GTF3C3: variants seen among roughly 807,000 people sequenced by gnomAD.
The protein encoded by GTF3C3 is general transcription factor IIIC subunit 3.
GTF3C3 carries 75 observed loss-of-function variants against 105.2 expected under a neutral mutation model. The ratio of observed to expected loss-of-function variants is 0.71; its 90% CI spans 0.59 to 0.86. GTF3C3 has a LOEUF of 0.86. Among genes scored for constraint, GTF3C3 ranks in the 40% least tolerant of loss-of-function variants. The pLI is 0.00. For synonymous variants in GTF3C3, 335 were observed against 370.4 expected (o/e 0.90, Z 1.10); for missense variants, 856 against 1,076.5 (o/e 0.80, Z 2.87).
At chr2:196,790,849 C>T (rs763751597) in intron 4 of GTF3C3, among the ~76,000 whole-genome samples, 4 of 151,810 alleles carry the variant, frequency 2.6e-5, no homozygotes, top group Non-Finnish European at 4.4e-5. Flanking sequence ...TTTGGCAAAA[C>T]ATCAAGGAAA....
chr2:196,767,642 TAATAA>T (rs1478353858), intron 16 of GTF3C3, among the ~76,000 whole-genome samples: 2 of 152,216 alleles, frequency 1.3e-5, no homozygotes, highest in African/African-American at 4.8e-5. Flanking sequence ...ACTTTCTGCA[TAATAA>T]AATAACCTAT....
intron 9 of GTF3C3, among the ~76,000 whole-genome samples, chr2:196,779,669 C>A (rs1053711151): frequency 5.9e-5 from 9 of 152,072 alleles, no homozygotes; most frequent in African/African-American, 2.2e-4. Context: ...AAAGTTGTTT[C>A]CTTAGATATC....
At chr2:196,797,486 T>C (rs1699667009) in intron 2 of GTF3C3, among the ~76,000 whole-genome samples, 1 of 152,224 alleles carries the variant, frequency 6.6e-6, no homozygotes, top group South Asian at 2.1e-4. Flanking sequence ...TGAGGAAGTA[T>C]AGTCTGGAAG....
Position 196,764,254 on chromosome 2 carries a change from A to G in GTF3C3, c.*309T>C, listed in dbSNP as rs1699019944. The G allele has an allele frequency of 5.0e-6, 1 of 201,436 alleles. No individual in the cohort carries two copies. Among genetic ancestry groups the G allele is most frequent in the Non-Finnish European group, 1.0e-5 (1 of 98,516 alleles). The allele number at this position is 201,436 out of a possible 1,614,324, so 12.5% of individuals were successfully genotyped here. A position where few individuals can be genotyped will look rare whatever the true frequency, so the allele number is the denominator to read the frequency against. On this transcript the variant is annotated 3_prime_UTR_variant, in exon 18 of 18. Transcript: ENST00000263956. ...TAGTATTAAATACAAAGATGAATAAATGGTGTGAGTGAAAAATAGTGTATT... is the reference window on the plus strand; with the variant it reads ...TAGTATTAAATACAAAGATGAATAAGTGGTGTGAGTGAAAAATAGTGTATT...
Position 196,763,762 on chromosome 2 carries a change from A to C in GTF3C3, c.*801T>G, listed in dbSNP as rs1699010595. The C allele has an allele frequency of 1.3e-5, 2 of 152,264 alleles. No individual in the cohort carries two copies. Among genetic ancestry groups the C allele is most frequent in the Non-Finnish European group, 2.9e-5 (2 of 68,046 alleles). The allele number at this position is 152,264 out of a possible 1,614,324, so 9.4% of individuals were successfully genotyped here. On this transcript the variant is annotated 3_prime_UTR_variant, in exon 18 of 18. Coordinates refer to ENST00000263956, the MANE Select transcript of GTF3C3 (RefSeq NM_012086.5). ...ACTGTTAACTTAAATTCAAGAACAT[A>C]TAATAAATAGTGGAGATGAGTAAAC...
intron 17 of GTF3C3, 82 bp from the exon 18 acceptor site, chr2:196,764,767 A>G: frequency 8.0e-7 from 1 of 1,250,018 alleles, no homozygotes; most frequent in South Asian, 1.5e-5. Flanking sequence ...TAGTTTTATA[A>G]GTGTAAGTAA....
At chr2:196,768,962 A>G (rs1699120401) in intron 16 of GTF3C3, among the ~76,000 whole-genome samples, 1 of 152,182 alleles carries the variant, frequency 6.6e-6, no homozygotes, top group African/African-American at 2.4e-5. Context: ...CACAATGAGC[A>G]CTACGTTTAA....
rs754360722 is a variant in GTF3C3 at position 196,793,055 on chromosome 2, C to T, written c.312G>A (p.Glu104=). The change falls in exon 3 of 18, where the codon GAG becomes GAA. Residue 104 remains glutamate (E), a synonymous_variant. Coordinates refer to ENST00000263956, the MANE Select transcript of GTF3C3 (RefSeq NM_012086.5). ...GTGTTTCTTCCTCCTCCTCCTCCTC[C>T]TCCTCTTCTTCCTCTTCCTCCTCAT... is the stretch of plus-strand genomic sequence containing the variant. ...EDDEEEEEEE[E]EEEEEEETPE... is the part of the protein sequence containing the mutation. 1 of 1,606,212 alleles carries T rather than the reference C, an allele frequency of 6.2e-7. No homozygotes were observed. The highest frequency in any genetic ancestry group is 8.5e-7 in the Non-Finnish European group (1 of 1,172,674).
At chr2:196,798,182 AT>A (rs1328755624) in intron 1 of GTF3C3, among the ~76,000 whole-genome samples, 2 of 152,038 alleles carry the variant, frequency 1.3e-5, no homozygotes, top group Non-Finnish European at 2.9e-5. Context: ...GTAAAAAAAA[AT>A]AAATAAAATA....
Position 196,789,876 on chromosome 2 carries a change from T to A in GTF3C3, c.727+3A>T. 1 of 1,538,262 alleles carries A rather than the reference T, an allele frequency of 6.5e-7. No homozygotes were observed. Among genetic ancestry groups the A allele is most frequent in the Non-Finnish European group, 8.7e-7 (1 of 1,147,136 alleles). ...AGTGAAAAAAAAAAAAAATTTTAAT[T>A]ACCTTTTGTATAGCAAAAAATAGCC... On this transcript the variant is annotated splice_donor_region_variant and intron_variant, in intron 5 of 17. Coordinates refer to ENST00000263956, the MANE Select transcript of GTF3C3 (RefSeq NM_012086.5).
At position 196,766,711 on chromosome 2, in the gene GTF3C3, A is replaced by G. The variant is rs765615890; in HGVS notation, c.2392T>C (p.Ser798Pro). Residue 798 changes from serine to proline, a missense_variant, in exon 17 of 18, where the codon TCC becomes CCC. Physicochemically the swap from Ser to Pro is moderately conservative, Grantham distance 74. Around this residue, in one of 3 missense-constraint regions of GTF3C3, gnomAD observed 134 missense variants for 128.9 expected, o/e 1.04. Coordinates refer to ENST00000263956, the MANE Select transcript of GTF3C3 (RefSeq NM_012086.5). Reference protein sequence around the residue: ...RRHALIVQGFSFLNRYLSLRG... With the variant: ...RRHALIVQGFPFLNRYLSLRG... ...AAACTGAGGTATCGATTAAGAAAGG[A>G]AAAGCCCTAACCAAAAAGAAAAAGA... 6.8e-6 allele frequency: 11 copies of G among 1,609,798 alleles called. No individual in the cohort carries two copies. The highest frequency in any genetic ancestry group is 9.3e-6 in the Non-Finnish European group (11 of 1,178,050).
At chr2:196,793,221 T>A in intron 2 of GTF3C3, 69 bp from the exon 3 acceptor site, 4 of 1,174,960 alleles carry the variant, frequency 3.4e-6, no homozygotes, top group Non-Finnish European at 4.9e-6. Context: ...AACAAGTATT[T>A]TCTAAGTATA....
At chr2:196,789,844 T>C (rs766376349) in intron 5 of GTF3C3, 35 bp downstream of exon 5, 4 of 1,300,692 alleles carry the variant, frequency 3.1e-6, no homozygotes, top group South Asian at 1.4e-5. Flanking sequence ...ATGTAACAGC[T>C]TGTAAAAGTG....
chr2:196,766,472 A>G, intron 17 of GTF3C3, 93 bp downstream of exon 17: 2 of 881,588 alleles, frequency 2.3e-6, no homozygotes, highest in South Asian at 3.8e-5. Context: ...ACATTTTAAT[A>G]TACGAGCTAT....
chr2:196,771,947 G>A lies in GTF3C3; in HGVS notation c.2070-9C>T. ...TTTCCATTACCATTATCCTAAAATTGCAGGAAGAGGGTGAGGGAGAAAATA... is the reference window on the plus strand; with the variant it reads ...TTTCCATTACCATTATCCTAAAATTACAGGAAGAGGGTGAGGGAGAAAATA... On this transcript the variant is annotated splice_polypyrimidine_tract_variant and intron_variant, in intron 14 of 17. Transcript: ENST00000263956. 6.3e-7 allele frequency: 1 copy of A among 1,590,098 alleles called. No individual in the cohort carries two copies. The highest frequency in any genetic ancestry group is 8.6e-7 in the Non-Finnish European group (1 of 1,158,244).
At chr2:196,769,811 G>A (rs1172409142) in intron 16 of GTF3C3, 104 bp downstream of exon 16, 2 of 897,704 alleles carry the variant, frequency 2.2e-6, no homozygotes, top group Admixed American at 2.3e-5. Flanking sequence ...TGTGTACTGA[G>A]AGCATTGTGT....
intron 9 of GTF3C3, 46 bp downstream of exon 9, chr2:196,780,512 TG>T: frequency 1.3e-6 from 2 of 1,583,334 alleles, no homozygotes; most frequent in Non-Finnish European, 8.6e-7. Flanking sequence ...AGAAAAGAGA[TG>T]GTGCATTTGA....
intron 12 of GTF3C3, among the ~76,000 whole-genome samples, 160 bp downstream of exon 12, chr2:196,775,850 T>G (rs1455788703): frequency 6.6e-6 from 1 of 152,260 alleles, no homozygotes; most frequent in Non-Finnish European, 1.5e-5. Context: ...CTTTCAGTCA[T>G]ATACCAATAA....
rs150627833 is a variant in GTF3C3, at chr2:196,764,626, G to T, written c.2598C>A (p.Ile866=). 2.5e-6 allele frequency: 4 copies of T among 1,612,512 alleles called. No individual in the cohort carries two copies. The African/African-American group carries it at 5.3e-5, about 21-fold the overall frequency. ...RRDIAYNLSL[I]YQSSGNTGMA... is the part of the protein sequence containing the mutation. The stretch of plus-strand genomic sequence containing the variant: ...TTCCGGTATTCCCACTGCTCTGATA[G>T]ATGAGAGACAAGTTGTAGGCAATAT... The change falls in exon 18 of 18, where the codon ATC becomes ATA. Residue 866 remains isoleucine (I), a synonymous_variant. Coordinates refer to ENST00000263956, the MANE Select transcript of GTF3C3 (RefSeq NM_012086.5).
Sources: allele counts gnomAD v4.1 joint callset (sites outside exome capture counted in the v4.1 genomes callset), GRCh38; gene constraint gnomAD v4.1.1; regional missense constraint gnomAD v4.1.1; transcripts MANE v1.5; gene names NCBI Gene and HGNC (gene_info 2026-07-23, HGNC 2026-07-21).